PPP1R36: variants seen among roughly 807,000 people sequenced by gnomAD.
PPP1R36 encodes protein phosphatase 1 regulatory subunit 36, also known as chromosome 14 open reading frame 50.
In PPP1R36, 47 loss-of-function variants were observed where a neutral mutation model predicts 53.4. The observed-to-expected ratio is 0.88, with a 90% CI of 0.70 to 1.12. The LOEUF is 1.12. Among genes scored for constraint, PPP1R36 ranks in the 50% most tolerant of loss-of-function variants. PPP1R36 has a pLI of 0.00. For synonymous variants in PPP1R36, 153 were observed against 170.5 expected (o/e 0.90, Z 0.80); for missense variants, 456 against 513.9 (o/e 0.89, Z 1.09).
intron 3 of PPP1R36, among the ~76,000 whole-genome samples, chr14:64,557,042 G>A (rs1327580820): frequency 4.0e-5 from 6 of 151,282 alleles, no homozygotes; most frequent in Non-Finnish European, 8.8e-5. Context: ...CATGTGCCCA[G>A]GCTGGTCTGG....
chr14:64,560,035 C>T (rs967568607), intron 3 of PPP1R36, among the ~76,000 whole-genome samples: 1 of 125,120 alleles, frequency 8.0e-6, no homozygotes. Flanking sequence ...ACCCAGGAGG[C>T]GGAGGTTGCA....
At chr14:64,572,748 G>C (rs1050156251) in intron 7 of PPP1R36, among the ~76,000 whole-genome samples, 1 of 152,202 alleles carries the variant, frequency 6.6e-6, no homozygotes, top group Non-Finnish European at 1.5e-5. Context: ...AACTTGAGAA[G>C]CATTGGCCTA....
At chr14:64,580,795 A>G (rs2080382625) in intron 8 of PPP1R36, among the ~76,000 whole-genome samples, 1 of 152,206 alleles carries the variant, frequency 6.6e-6, no homozygotes, top group Non-Finnish European at 1.5e-5. Context: ...GATGAGGACA[A>G]TGTTTTTGCC....
intron 3 of PPP1R36, 42 bp from the exon 4 acceptor site, chr14:64,564,709 C>A: frequency 7.3e-7 from 1 of 1,376,952 alleles, no homozygotes; most frequent in Non-Finnish European, 1.0e-6. Context: ...TTGTTTTCCC[C>A]TGGAAAAGGT....
intron 8 of PPP1R36, among the ~76,000 whole-genome samples, chr14:64,576,638 C>T (rs1236750577): frequency 1.3e-5 from 2 of 152,158 alleles, no homozygotes; most frequent in South Asian, 2.1e-4. Flanking sequence ...CATTTCTCTT[C>T]TCTTGCACCC....
intron 8 of PPP1R36, among the ~76,000 whole-genome samples, chr14:64,579,150 A>G (rs2080366492): frequency 6.6e-6 from 1 of 152,236 alleles, no homozygotes; most frequent in African/African-American, 2.4e-5. Flanking sequence ...AGCAGAAAAG[A>G]TAAGTATTGT....
At chr14:64,552,763 T>C in intron 2 of PPP1R36, 51 bp from the exon 3 acceptor site, 1 of 1,478,308 alleles carries the variant, frequency 6.8e-7, no homozygotes, top group Non-Finnish European at 9.5e-7. Context: ...TATTTCAGTA[T>C]TTCTGAGTAA....
chr14:64,552,682 T>C (rs2080105110), intron 2 of PPP1R36, 132 bp from the exon 3 acceptor site: 6 of 664,450 alleles, frequency 9.0e-6, no homozygotes, highest in African/African-American at 1.8e-5. Context: ...TTCATGATAA[T>C]TAAACAAATA....
chr14:64,585,515 T>C (rs1339790890), intron 8 of PPP1R36, among the ~76,000 whole-genome samples: 6 of 38,420 alleles, frequency 1.6e-4, no homozygotes, highest in African/African-American at 8.8e-4. Flanking sequence ...AGACCCTGTC[T>C]CAAAAAAAAA....
intron 8 of PPP1R36, among the ~76,000 whole-genome samples, chr14:64,582,039 T>C (rs1202702253): frequency 6.6e-6 from 1 of 152,188 alleles, no homozygotes; most frequent in African/African-American, 2.4e-5. Context: ...CAGCTGTCAC[T>C]TGATGGGCAA....
chr14:64,560,529 GA>G (rs1434171791), intron 3 of PPP1R36, among the ~76,000 whole-genome samples: 1 of 151,958 alleles, frequency 6.6e-6, no homozygotes, highest in African/African-American at 2.4e-5. Context: ...GATCAGTTAA[GA>G]AGCAGTTACA....
At chr14:64,578,570 A>T (rs1596743634) in intron 8 of PPP1R36, among the ~76,000 whole-genome samples, 1 of 152,252 alleles carries the variant, frequency 6.6e-6, no homozygotes, top group South Asian at 2.1e-4. Flanking sequence ...ACTATTTCAC[A>T]TCAGTCAGAA....
chr14:64,563,288 A>G (rs916329963), intron 3 of PPP1R36, among the ~76,000 whole-genome samples: 10 of 152,098 alleles, frequency 6.6e-5, no homozygotes. Context: ...CCTCCCATCA[A>G]CATTTGGTAT....
At chr14:64,555,779 C>A (rs891505430) in intron 3 of PPP1R36, among the ~76,000 whole-genome samples, 5 of 152,148 alleles carry the variant, frequency 3.3e-5, no homozygotes, top group Non-Finnish European at 7.3e-5. Flanking sequence ...CACAGTCCCA[C>A]CCAGCAAGTA....
chr14:64,557,837 C>T (rs1301362973), intron 3 of PPP1R36, among the ~76,000 whole-genome samples: 4 of 152,008 alleles, frequency 2.6e-5, no homozygotes, highest in African/African-American at 7.3e-5. Context: ...GGTAAAACCC[C>T]GTCTCTACTA....
chr14:64,565,900 A>T (rs2080249971), intron 6 of PPP1R36, among the ~76,000 whole-genome samples: 1 of 152,218 alleles, frequency 6.6e-6, no homozygotes, highest in African/African-American at 2.4e-5. Context: ...ATAAAATCCC[A>T]GGGCAAGTAG....
At chr14:64,559,204 T>C (rs2080184040) in intron 3 of PPP1R36, among the ~76,000 whole-genome samples, 1 of 152,126 alleles carries the variant, frequency 6.6e-6, no homozygotes, top group Admixed American at 6.6e-5. Context: ...TGCAGACAGC[T>C]TGGGCATTTG....
intron 6 of PPP1R36, among the ~76,000 whole-genome samples, chr14:64,568,050 T>A (rs1224830332): frequency 6.6e-6 from 1 of 152,160 alleles, no homozygotes; most frequent in Admixed American, 6.5e-5. Flanking sequence ...CTACATTTTT[T>A]AAACAATGGA....
chr14:64,582,449 AC>A (rs1180296480), intron 8 of PPP1R36, among the ~76,000 whole-genome samples: 1 of 152,220 alleles, frequency 6.6e-6, no homozygotes, highest in African/African-American at 2.4e-5. Flanking sequence ...TAGATTTACT[AC>A]CAGGCTGGCT....
Sources: allele counts gnomAD v4.1 joint callset (sites outside exome capture counted in the v4.1 genomes callset), GRCh38; gene constraint gnomAD v4.1.1; transcripts MANE v1.5; gene names NCBI Gene and HGNC (gene_info 2026-07-23, HGNC 2026-07-21).